CYRIB: variants seen among roughly 807,000 people sequenced by gnomAD.
The protein encoded by CYRIB is CYFIP-related Rac1 interactor B.
In CYRIB, 8 loss-of-function variants were observed where a neutral mutation model predicts 44.2. The observed-to-expected ratio is 0.18, with a 90% CI of 0.11 to 0.33. CYRIB has a LOEUF of 0.33. Among genes scored for constraint, CYRIB ranks in the 10% least tolerant of loss-of-function variants. The pLI is 1.00. For synonymous variants in CYRIB, 131 were observed against 127.2 expected, an observed-to-expected ratio of 1.03 and a Z score of -0.20; for missense variants, 185 against 382.8, an observed-to-expected ratio of 0.48 and a Z score of 4.31.
intron 4 of CYRIB, among the ~76,000 whole-genome samples, chr8:129,869,381 CAA>C (rs572134261): frequency 4.1e-5 from 3 of 74,072 alleles, no homozygotes; most frequent in African/African-American, 4.9e-5. Flanking sequence ...AACTCTGCCT[CAA>C]AAAAAAAAAA....
intron 1 of CYRIB, among the ~76,000 whole-genome samples, chr8:129,980,047 C>T (rs1262349949): frequency 1.3e-5 from 2 of 151,980 alleles, no homozygotes; most frequent in African/African-American, 4.8e-5. Context: ...TACATTTTGC[C>T]TACCACACTC....
At chr8:130,001,044 C>T (rs1419590348) in intron 1 of CYRIB, among the ~76,000 whole-genome samples, 2 of 152,128 alleles carry the variant, frequency 1.3e-5, no homozygotes, top group African/African-American at 4.8e-5. Flanking sequence ...GCATTGAATC[C>T]GAACCCTTCC....
intron 1 of CYRIB, among the ~76,000 whole-genome samples, chr8:129,918,855 A>C (rs1307429525): frequency 1.3e-5 from 2 of 152,224 alleles, no homozygotes; most frequent in Non-Finnish European, 2.9e-5. Context: ...TCATTCTGCT[A>C]AAATGATTTG....
chr8:129,939,438 G>A (rs1399236402), intron 1 of CYRIB, among the ~76,000 whole-genome samples: 1 of 151,718 alleles, frequency 6.6e-6, no homozygotes, highest in Non-Finnish European at 1.5e-5. Flanking sequence ...CAGAGGAAGC[G>A]GGCCCGGGGC....
intron 2 of CYRIB, among the ~76,000 whole-genome samples, chr8:129,958,698 C>G (rs183209431): frequency 6.6e-6 from 1 of 151,282 alleles, no homozygotes; most frequent in Non-Finnish European, 1.5e-5. Context: ...TTCTCTCGAG[C>G]TCATTCAATT....
intron 4 of CYRIB, 129 bp downstream of exon 6, chr8:129,871,246 C>T (rs2057071438): frequency 2.8e-6 from 3 of 1,081,746 alleles, no homozygotes; most frequent in Non-Finnish European, 3.8e-6. Flanking sequence ...TGAAACAATG[C>T]CAAGTGAGCA....
chr8:129,888,452 C>T (rs979802360), intron 2 of CYRIB, among the ~76,000 whole-genome samples: 1 of 152,146 alleles, frequency 6.6e-6, no homozygotes, highest in Non-Finnish European at 1.5e-5. Context: ...CAATCTGCTC[C>T]GACACACTCT....
At chr8:129,961,350 G>C (rs2095250731) in intron 2 of CYRIB, among the ~76,000 whole-genome samples, 2 of 152,152 alleles carry the variant, frequency 1.3e-5, no homozygotes, top group Non-Finnish European at 2.9e-5. Flanking sequence ...TCACCCAGCA[G>C]AGCCAGCCCT....
chr8:129,855,581 G>T, intron 6 of CYRIB, 30 bp downstream of exon 8: 2 of 1,610,978 alleles, frequency 1.2e-6, no homozygotes, highest in Non-Finnish European at 1.7e-6. Flanking sequence ...CATGATTTTC[G>T]TAACAATCAG....
intron 2 of CYRIB, among the ~76,000 whole-genome samples, chr8:129,956,836 C>A (rs2094873902): frequency 7.1e-6 from 1 of 141,350 alleles, no homozygotes; most frequent in South Asian, 2.7e-4. Context: ...TCCCTCCCCC[C>A]AGCCTCTCTT....
At position 129,950,636 on chromosome 8, in the gene CYRIB, A is replaced by G. The variant is rs145035533; in HGVS notation, c.-243+20307T>C. Among the ~76,000 whole-genome samples, 88 of 152,268 alleles carry G rather than the reference A, an allele frequency of 5.8e-4. No homozygotes were observed. The South Asian group carries it at 0.011, about 19-fold the overall frequency. On this transcript the variant is annotated intron_variant, in intron 2 of 14. Transcript: ENST00000401979. The stretch of plus-strand genomic sequence containing the variant: ...AGATGTAAATTATTTCATGTAGAGT[A>G]CTTAGCACAGGGCACAGAAAATTTA...
At chr8:129,931,943 A>C (rs1179846902) in intron 1 of CYRIB, among the ~76,000 whole-genome samples, 2 of 151,316 alleles carry the variant, frequency 1.3e-5, no homozygotes, top group Non-Finnish European at 2.9e-5. Context: ...TAAATGTCAG[A>C]TTTAATGAGG....
intron 2 of CYRIB, among the ~76,000 whole-genome samples, chr8:129,958,728 T>G (rs561017061): frequency 6.7e-6 from 1 of 148,880 alleles, no homozygotes; most frequent in African/African-American, 2.5e-5. Context: ...TACCTGAACC[T>G]GGAAGCAGAG....
chr8:129,876,937 A>T (rs1250612732), intron 3 of CYRIB, among the ~76,000 whole-genome samples: 3 of 152,256 alleles, frequency 2.0e-5, no homozygotes, highest in African/African-American at 7.2e-5. Flanking sequence ...TTAGCAGATA[A>T]CTATGTTGGC....
intron 4 of CYRIB, among the ~76,000 whole-genome samples, chr8:129,869,963 G>A (rs1025587034): frequency 3.3e-5 from 5 of 151,298 alleles, no homozygotes; most frequent in African/African-American, 1.2e-4. Context: ...GAGGAAGTAG[G>A]AGATTATGGG....
chr8:130,007,865 C>CA (rs200282380), intron 1 of CYRIB, among the ~76,000 whole-genome samples: 2,405 of 151,948 alleles, frequency 0.016, 59 homozygotes, highest in African/African-American at 0.056. Flanking sequence ...TAAAGGAGAC[C>CA]AAAAAAATCA....
chr8:129,940,303 G>A (rs1248209562), upstream of CYRIB, among the ~76,000 whole-genome samples: 1 of 152,210 alleles, frequency 6.6e-6, no homozygotes, highest in African/African-American at 2.4e-5. Context: ...TTTGGGTCAG[G>A]TACTGAGCCT....
intron 3 of CYRIB, among the ~76,000 whole-genome samples, chr8:129,879,017 T>C (rs1353147207): frequency 6.6e-6 from 1 of 152,030 alleles, no homozygotes; most frequent in Non-Finnish European, 1.5e-5. Context: ...ACCTGGTCGA[T>C]TTTTCTTGAC....
chr8:129,886,463 A>G (rs566347546), intron 2 of CYRIB, among the ~76,000 whole-genome samples: 10 of 152,292 alleles, frequency 6.6e-5, no homozygotes, highest in African/African-American at 2.4e-4. Context: ...CTTAAAACAT[A>G]AACAGAAATG....
Sources: allele counts gnomAD v4.1 joint callset (sites outside exome capture counted in the v4.1 genomes callset), GRCh38; gene constraint gnomAD v4.1.1; transcripts MANE v1.5; gene names NCBI Gene and HGNC (gene_info 2026-07-23, HGNC 2026-07-21).